The following NME8 variants were observed in gnomAD, a reference collection of about 807,000 sequenced individuals.
The protein encoded by NME8 is NME/NM23 family member 8.
In NME8, 72 loss-of-function variants were observed where a neutral mutation model predicts 82.3. The observed-to-expected ratio is 0.87, with a 90% CI of 0.72 to 1.06. NME8 has a LOEUF of 1.06. NME8 is among the 50% of genes least tolerant of loss of function. The probability of loss-of-function intolerance (pLI) is 0.00; values close to 1 mark genes in which losing one functional copy is unlikely to be tolerated. For missense variants in NME8, 712 were observed against 685.4 expected (o/e 1.04, Z -0.43); for synonymous variants, 267 against 228.5 (o/e 1.17, Z -1.52).
intron 9 of NME8, among the ~76,000 whole-genome samples, chr7:37,864,762 A>G (rs1644269198): frequency 6.6e-6 from 1 of 152,238 alleles, no homozygotes; most frequent in Non-Finnish European, 1.5e-5. Context: ...TTACAGTTCC[A>G]CATGGCTGGG....
Position 37,850,621 on chromosome 7 carries a change from T to C in NME8, c.92-8T>C. ...CTTTGTTATTTCATAAATATCATCA[T>C]CTTCTAGTGATTGATGTTTACCAAG... On this transcript the variant is annotated splice_polypyrimidine_tract_variant and splice_region_variant and intron_variant, in intron 4 of 17. Coordinates refer to ENST00000199447, the MANE Select transcript of NME8 (RefSeq NM_016616.5). 1 of 1,584,638 alleles carries C rather than the reference T, an allele frequency of 6.3e-7. No individual in the cohort carries two copies. The highest frequency in any genetic ancestry group is 2.2e-5 in the East Asian group (1 of 44,754).
intron 11 of NME8, among the ~76,000 whole-genome samples, chr7:37,874,078 G>A (rs1784812087): frequency 6.6e-6 from 1 of 152,056 alleles, no homozygotes; most frequent in Non-Finnish European, 1.5e-5. Context: ...GATCTTCAAG[G>A]ACATACTTAG....
intron 13 of NME8, 38 bp from the exon 14 acceptor site, chr7:37,885,107 A>C: frequency 1.5e-6 from 2 of 1,337,586 alleles, no homozygotes; most frequent in Non-Finnish European, 2.1e-6. Context: ...ACTGAGCTAC[A>C]CTTCTTATTA....
At chr7:37,890,757 T>C (rs1785118359) in intron 15 of NME8, among the ~76,000 whole-genome samples, 1 of 152,038 alleles carries the variant, frequency 6.6e-6, no homozygotes, top group Admixed American at 6.6e-5. Context: ...CAGGATTTCA[T>C]TACTTTTTAT....
chr7:37,857,988 G>C (rs56109817), intron 6 of NME8, among the ~76,000 whole-genome samples: 12,668 of 152,064 alleles, frequency 0.083, 776 homozygotes, highest in African/African-American at 0.17. Context: ...CTTGAGGCCA[G>C]GAATTCAAGA....
intron 15 of NME8, among the ~76,000 whole-genome samples, chr7:37,889,226 A>G (rs938437683): frequency 2.0e-5 from 3 of 151,842 alleles, no homozygotes; most frequent in African/African-American, 7.2e-5. Context: ...GTAATTTCTT[A>G]TCATTATTAT....
intron 12 of NME8, among the ~76,000 whole-genome samples, chr7:37,882,597 AAGAGAGAGAGAGAGAGAGAAAG>A (rs1365532676): frequency 1.2e-5 from 1 of 82,992 alleles, no homozygotes; most frequent in African/African-American, 4.6e-5. Context: ...GAAAGAAAGA[AAGAGAGAGAGAGAGAGAGAAAG>A]AAAGAAAGAA....
chr7:37,871,170 C>T (rs1193327549), intron 11 of NME8, among the ~76,000 whole-genome samples: 2 of 152,076 alleles, frequency 1.3e-5, no homozygotes, highest in Non-Finnish European at 2.9e-5. Context: ...GCAGCGGAGT[C>T]CCAGAGCTTT....
intron 6 of NME8, among the ~76,000 whole-genome samples, chr7:37,858,399 A>G (rs890804719): frequency 2.6e-5 from 4 of 152,160 alleles, no homozygotes; most frequent in African/African-American, 7.2e-5. Flanking sequence ...TGCATTGTAG[A>G]TCTCCTCTAA....
chr7:37,878,563 A>T (rs2254319), intron 12 of NME8, among the ~76,000 whole-genome samples: 71,105 of 151,914 alleles, frequency 0.47, 17,056 homozygotes, highest in East Asian at 0.74. Flanking sequence ...AAAATGATTT[A>T]GACATGGGGT....
At chr7:37,850,575 C>A in intron 4 of NME8, 54 bp from the exon 5 acceptor site, 1 of 1,527,386 alleles carries the variant, frequency 6.5e-7, no homozygotes, top group South Asian at 1.1e-5. Context: ...ATTGGGATAA[C>A]TGCTATCCTA....
chr7:37,877,798 C>T (rs1784881086), intron 12 of NME8, among the ~76,000 whole-genome samples: 1 of 152,158 alleles, frequency 6.6e-6, no homozygotes, highest in Non-Finnish European at 1.5e-5. Context: ...TACCCCCCTT[C>T]CCCTCTGCCC....
intron 6 of NME8, among the ~76,000 whole-genome samples, chr7:37,860,465 C>A (rs1395058536): frequency 6.6e-6 from 1 of 152,128 alleles, no homozygotes; most frequent in South Asian, 2.1e-4. Context: ...AATATGGTGA[C>A]CATGCCCTCC....
Position 37,867,783 on chromosome 7 carries a change from C to T in NME8, c.703C>T (p.Pro235Ser). The T allele has an allele frequency of 6.2e-7, 1 of 1,613,616 alleles. No homozygotes were observed. The highest frequency in any genetic ancestry group is 8.5e-7 in the Non-Finnish European group (1 of 1,179,604). Residue 235 changes from proline to serine, a missense_variant, in exon 11 of 18, where the codon CCT becomes TCT. Transcript: ENST00000199447. ...TGTATCTCAAGGAAGTAAACACAAT[C>T]CTCCCTCTGAAGAAACCGAACCACA... ...LVVSQGSKHN[P>S]PSEETEPQTD... is the part of the protein sequence containing the mutation.
chr7:37,850,625 C>G lies in NME8; in HGVS notation c.92-4C>G. 6.3e-7 allele frequency: 1 copy of G among 1,590,088 alleles called. No individual in the cohort carries two copies. ...GTTATTTCATAAATATCATCATCTT[C>G]TAGTGATTGATGTTTACCAAGCCTG... On this transcript the variant is annotated splice_polypyrimidine_tract_variant and splice_region_variant and intron_variant, in intron 4 of 17. Coordinates refer to ENST00000199447, the MANE Select transcript of NME8 (RefSeq NM_016616.5).
rs183926718 is a variant in NME8 at position 37,864,501 on chromosome 7, C to T, written c.528+80C>T. The T allele has an allele frequency of 6.7e-6, 9 of 1,350,696 alleles. No homozygotes were observed. The African/African-American group carries it at 1.3e-4, about 19-fold the overall frequency. 83.7% of individuals were successfully genotyped at this position (1,350,696 alleles called of 1,614,324 possible). A position where few individuals can be genotyped will look rare whatever the true frequency, so the allele number is the denominator to read the frequency against. ...ATCGTCAGTTCAAAGACAAGCGTAC[C>T]ATTTAGAGTGAAATAGAACAAAATG... On this transcript the variant is annotated intron_variant, in intron 9 of 17. Transcript: ENST00000199447.
At chr7:37,872,636 A>G (rs1268327914) in intron 11 of NME8, among the ~76,000 whole-genome samples, 1 of 152,230 alleles carries the variant, frequency 6.6e-6, no homozygotes, top group African/African-American at 2.4e-5. Context: ...AATGACATGG[A>G]AAGTCAGATG....
chr7:37,854,181 G>A (rs577511626), intron 5 of NME8, among the ~76,000 whole-genome samples: 115 of 152,180 alleles, frequency 7.6e-4, no homozygotes, highest in Middle Eastern at 3.4e-3. Flanking sequence ...TGTATGTTAT[G>A]TGTATTATAT....
chr7:37,861,326 T>C (rs1219121275), intron 6 of NME8, among the ~76,000 whole-genome samples: 2 of 152,168 alleles, frequency 1.3e-5, no homozygotes, highest in Non-Finnish European at 1.5e-5. Flanking sequence ...AACCCTTATG[T>C]CTGTTATTCC....
Sources: gnomAD v4.1 joint callset for allele counts (sites outside exome capture counted in the v4.1 genomes callset) on GRCh38, gnomAD v4.1.1 for gene constraint, MANE v1.5 for transcripts, NCBI Gene and HGNC (gene_info 2026-07-23, HGNC 2026-07-21) for gene names.